Variants in MAPK6 observed in about 807,000 individuals in gnomAD.
The protein encoded by MAPK6 is ERK-3.
In MAPK6, 19 loss-of-function variants were observed where a neutral mutation model predicts 59.3. That is an observed-to-expected ratio of 0.32 (90% confidence interval 0.22 to 0.47). The LOEUF (loss-of-function observed/expected upper bound fraction) is 0.47, where lower values mean the gene tolerates loss of function less well. Among genes scored for constraint, MAPK6 ranks in the 20% least tolerant of loss-of-function variants. The pLI, the probability that MAPK6 is intolerant of heterozygous loss-of-function variation, is 1.00. For missense variants in MAPK6, 724 were observed against 847.9 expected, an observed-to-expected ratio of 0.85 and a Z score of 1.81; for synonymous variants, 316 against 290.3, an observed-to-expected ratio of 1.09 and a Z score of -0.90.
At chr15:52,025,066 C>A (rs569455826) in intron 1 of MAPK6, among the ~76,000 whole-genome samples, 5 of 151,966 alleles carry the variant, frequency 3.3e-5, no homozygotes, top group South Asian at 2.1e-4. Flanking sequence ...CATAGTGAGA[C>A]CCTGTCTCTA....
At chr15:51,988,698 C>T (rs1343152072) in intron 2 of MAPK6, among the ~76,000 whole-genome samples, 2 of 151,878 alleles carry the variant, frequency 1.3e-5, no homozygotes, top group Non-Finnish European at 1.5e-5. Flanking sequence ...CACCATTGCA[C>T]TCCAGCTTGG....
chr15:52,046,721 T>C lies in MAPK6; in HGVS notation c.261T>C (p.Ser87=), dbSNP rs1280115246. 1 of 1,614,214 alleles carries C rather than the reference T, an allele frequency of 6.2e-7. No individual in the cohort carries two copies. Among genetic ancestry groups the C allele is most frequent in the Non-Finnish European group, 8.5e-7 (1 of 1,180,032 alleles). ...IVKVFEILGP[S]GSQLTDDVGS... is the part of the protein sequence containing the mutation. ...AAGTGTTTGAGATTCTTGGTCCCAG[T>C]GGAAGCCAATTAACAGACGATGTGG... The change falls in exon 2 of 6, where the codon AGT becomes AGC. Residue 87 remains serine, a synonymous_variant. Coordinates refer to ENST00000261845, the MANE Select transcript of MAPK6 (RefSeq NM_002748.4).
At chr15:52,014,143 G>A (rs1315658026) in intron 3 of MAPK6, among the ~76,000 whole-genome samples, 1 of 151,290 alleles carries the variant, frequency 6.6e-6, no homozygotes, top group Non-Finnish European at 1.5e-5. Context: ...TGATGTCCCC[G>A]GTTCTTATCA....
chr15:51,997,259 G>A (rs538882434), intron 2 of MAPK6, among the ~76,000 whole-genome samples: 7 of 150,632 alleles, frequency 4.6e-5, no homozygotes, highest in African/African-American at 1.7e-4. Flanking sequence ...GGATTACAGT[G>A]AGCCACTGTG....
rs1337365316 is a variant in MAPK6, at chr15:52,067,012, G to C, written c.*2012G>C. On this transcript the variant is annotated 3_prime_UTR_variant, in exon 6 of 6. Transcript: ENST00000261845. ...TCAGACAGGATGTAAAGGAAGCAAC[G>C]GGCAGCAGACATTGGTCCCTGATCC... is the stretch of plus-strand genomic sequence containing the variant. 6.6e-6 allele frequency: 1 copy of C among 152,090 alleles called. No homozygotes were observed. Among genetic ancestry groups the C allele is most frequent in the Admixed American group, 6.6e-5 (1 of 15,266 alleles). The allele number at this position is 152,090 out of a possible 1,614,324, so 9.4% of individuals were successfully genotyped here.
At chr15:52,011,609 A>G (rs898187482) in intron 3 of MAPK6, 3 of 152,240 alleles carry the variant, frequency 2.0e-5, no homozygotes, top group African/African-American at 4.8e-5. Flanking sequence ...AAGATTATAT[A>G]TTCACTGGCT....
intron 3 of MAPK6, among the ~76,000 whole-genome samples, chr15:52,004,971 T>A (rs1167691267): frequency 6.6e-6 from 1 of 152,240 alleles, no homozygotes; most frequent in Admixed American, 6.5e-5. Flanking sequence ...GCAGAGACTG[T>A]GTTTGACCTT....
chr15:51,997,035 A>C (rs922398189), intron 2 of MAPK6, among the ~76,000 whole-genome samples: 1 of 151,158 alleles, frequency 6.6e-6, no homozygotes, highest in Non-Finnish European at 1.5e-5. Flanking sequence ...GCTGGAGTGC[A>C]GTGGCACAAT....
chr15:52,055,002 A>G (rs1324631789), intron 3 of MAPK6, among the ~76,000 whole-genome samples: 1 of 152,192 alleles, frequency 6.6e-6, no homozygotes, highest in Non-Finnish European at 1.5e-5. Context: ...CCGGTCTCAA[A>G]TTCCTGACCT....
intron 1 of MAPK6, among the ~76,000 whole-genome samples, chr15:52,025,105 G>A (rs2030716000): frequency 6.6e-6 from 1 of 151,998 alleles, no homozygotes; most frequent in Non-Finnish European, 1.5e-5. Flanking sequence ...GCCTGTTGTA[G>A]TGGTGCACAC....
intron 1 of MAPK6, among the ~76,000 whole-genome samples, chr15:52,036,733 T>A (rs1382292267): frequency 2.0e-5 from 3 of 152,172 alleles, no homozygotes; most frequent in Non-Finnish European, 4.4e-5. Flanking sequence ...CAAACCAACT[T>A]AAAATTTTGT....
chr15:52,049,931 C>T, intron 2 of MAPK6, 62 bp from the exon 3 acceptor site: 3 of 1,435,988 alleles, frequency 2.1e-6, no homozygotes, highest in Non-Finnish European at 2.9e-6. Context: ...ATTCTTTAAT[C>T]AAGTTGTAAG....
intron 4 of MAPK6, among the ~76,000 whole-genome samples, chr15:52,059,922 A>G (rs529072262): frequency 6.6e-6 from 1 of 152,350 alleles, no homozygotes; most frequent in African/African-American, 2.4e-5. Flanking sequence ...TGGTAAAAAG[A>G]ATACATGTTC....
intron 2 of MAPK6, among the ~76,000 whole-genome samples, chr15:51,992,267 T>TTATCTATC (rs534947314): frequency 6.4e-4 from 90 of 139,964 alleles, no homozygotes; most frequent in African/African-American, 2.3e-3. Context: ...TGTCCCTCAT[T>TTATCTATC]TATCTATCTA....
At chr15:52,027,345 CT>C (rs2030834109) in intron 1 of MAPK6, among the ~76,000 whole-genome samples, 1 of 764 alleles carries the variant, frequency 1.3e-3, no homozygotes, top group Non-Finnish European at 0.013. Context: ...GCGAGACTCC[CT>C]CTCAAAAAAA....
upstream of MAPK6, among the ~76,000 whole-genome samples, chr15:52,016,749 T>C (rs955815600): frequency 2.4e-4 from 36 of 152,188 alleles, no homozygotes; most frequent in African/African-American, 7.7e-4. Flanking sequence ...AAACCAGTCT[T>C]AAACCAGATC....
chr15:52,020,922 T>C lies in MAPK6; in HGVS notation c.-632+1546T>C, dbSNP rs576286320. Among the ~76,000 whole-genome samples, 84 of 152,348 alleles carry C rather than the reference T, an allele frequency of 5.5e-4. 1 individual carries two copies. Among genetic ancestry groups the C allele is most frequent in the African/African-American group, 2.0e-3 (82 of 41,582 alleles). ...GTAATTGCAGTTAATCTAGAAAATA[T>C]GCCAGATTTGAGCAGAACATATTTG... On this transcript the variant is annotated intron_variant, in intron 1 of 5. Coordinates refer to ENST00000261845, the MANE Select transcript of MAPK6 (RefSeq NM_002748.4).
At chr15:52,045,519 A>G (rs1566909037) in intron 1 of MAPK6, among the ~76,000 whole-genome samples, 1 of 152,124 alleles carries the variant, frequency 6.6e-6, no homozygotes, top group East Asian at 1.9e-4. Flanking sequence ...CCCTCACAAA[A>G]CTCAAGTTCT....
chr15:52,022,234 G>A (rs193020509), intron 1 of MAPK6, among the ~76,000 whole-genome samples: 64 of 152,256 alleles, frequency 4.2e-4, no homozygotes, highest in Non-Finnish European at 3.5e-4. Context: ...TTTTTCCAAA[G>A]GGATTTGAGG....
Sources: gnomAD v4.1 joint callset for allele counts (sites outside exome capture counted in the v4.1 genomes callset) on GRCh38, gnomAD v4.1.1 for gene constraint, MANE v1.5 for transcripts, NCBI Gene and HGNC (gene_info 2026-07-23, HGNC 2026-07-21) for gene names.